Variants in HDGFL3 observed in about 807,000 individuals in gnomAD.
HDGFL3 encodes the protein hepatoma-derived growth factor-related protein 3.
A neutral mutation model predicts 27.6 loss-of-function variants in HDGFL3; 6 were observed. That is an observed-to-expected ratio of 0.22 (90% confidence interval 0.12 to 0.43). The LOEUF (loss-of-function observed/expected upper bound fraction) is 0.43. HDGFL3 is among the 20% of genes least tolerant of loss of function. HDGFL3 has a pLI of 1.00. For synonymous variants in HDGFL3, 88 were observed against 88.9 expected (o/e 0.99, Z 0.05); for missense variants, 207 against 250.1 (o/e 0.83, Z 1.16).
rs757329206 is a variant in HDGFL3 at position 83,203,307 on chromosome 15, A to C, written c.84+4024T>G. ...TTTGATTTCAGTTTCTTACTCTTTT[A>C]GCTAAAAAGTAAATTTTACTAGTAT... On this transcript the variant is annotated intron_variant, in intron 1 of 5. Coordinates refer to ENST00000299633, the MANE Select transcript of HDGFL3 (RefSeq NM_016073.4). 2.6e-4 allele frequency among the ~76,000 whole-genome samples: 40 copies of C among 152,150 alleles called. 1 individual carries two copies. The highest frequency in any genetic ancestry group is 1.6e-4 in the Non-Finnish European group (11 of 67,922).
At chr15:83,126,303 C>T (rs2035747195), downstream of HDGFL3, among the ~76,000 whole-genome samples, 1 of 152,184 alleles carries the variant, frequency 6.6e-6, no homozygotes, top group Non-Finnish European at 1.5e-5. Context: ...TCATCTTTTA[C>T]TGCCTCCAAA....
chr15:83,203,844 T>C (rs1315083475), intron 1 of HDGFL3, among the ~76,000 whole-genome samples: 1 of 151,370 alleles, frequency 6.6e-6, no homozygotes, highest in African/African-American at 2.4e-5. Context: ...AGCACATGTA[T>C]ATATAAAGAA....
At chr15:83,160,330 GC>G (rs2037084151) in intron 2 of HDGFL3, among the ~76,000 whole-genome samples, 1 of 151,986 alleles carries the variant, frequency 6.6e-6, no homozygotes, top group African/African-American at 2.4e-5. Context: ...GGGATTATAG[GC>G]ACATGCCACC....
downstream of HDGFL3, chr15:83,127,457 C>T: frequency 6.2e-7 from 1 of 1,613,788 alleles, no homozygotes; most frequent in Non-Finnish European, 8.5e-7. Context: ...CACATTGATA[C>T]ATGCTGGAGG....
chr15:83,187,576 A>C (rs190896667), intron 1 of HDGFL3, among the ~76,000 whole-genome samples: 1 of 152,302 alleles, frequency 6.6e-6, no homozygotes, highest in East Asian at 1.9e-4. Flanking sequence ...CCTTGTTTTC[A>C]GTGCTTTTCT....
intron 1 of HDGFL3, among the ~76,000 whole-genome samples, chr15:83,169,495 T>TA (rs2037218947): frequency 7.0e-6 from 1 of 143,852 alleles, no homozygotes; most frequent in Admixed American, 7.0e-5. Flanking sequence ...TCGCTGATGA[T>TA]AGAGTCTGTA....
chr15:83,188,999 T>C (rs2037478744), intron 1 of HDGFL3, among the ~76,000 whole-genome samples: 1 of 152,188 alleles, frequency 6.6e-6, no homozygotes, highest in Non-Finnish European at 1.5e-5. Context: ...GAATTCATTA[T>C]TGATTTATTC....
exon 4 of HDGFL3, chr15:83,113,215 G>C: frequency 2.3e-6 from 1 of 425,718 alleles, no homozygotes; most frequent in Non-Finnish European, 4.4e-6. Context: ...TGGGCTTCCT[G>C]TCTTCAGCCT....
At chr15:83,141,956 T>C (rs1391320391) in intron 5 of HDGFL3, among the ~76,000 whole-genome samples, 3 of 152,014 alleles carry the variant, frequency 2.0e-5, no homozygotes, top group Non-Finnish European at 4.4e-5. Flanking sequence ...GAAATGCAAA[T>C]CAAAACTGCA....
chr15:83,126,323 C>T (rs189743850), downstream of HDGFL3, among the ~76,000 whole-genome samples: 431 of 152,256 alleles, frequency 2.8e-3, 2 homozygotes, highest in Non-Finnish European at 5.5e-3. Flanking sequence ...AGGCCATATA[C>T]GCTATGATGC....
chr15:83,140,513 G>A (rs893314317), intron 5 of HDGFL3, among the ~76,000 whole-genome samples: 6 of 130,596 alleles, frequency 4.6e-5, no homozygotes, highest in African/African-American at 1.5e-4. Flanking sequence ...ACAGAGTCTC[G>A]CTCTGTCACC....
chr15:83,121,286 T>G (rs1450727619), intron 3 of HDGFL3, among the ~76,000 whole-genome samples: 3 of 151,772 alleles, frequency 2.0e-5, no homozygotes, highest in Admixed American at 6.6e-5. Flanking sequence ...TTCACCATGT[T>G]GGCCAGGCTG....
rs970141612 is a variant in HDGFL3, at chr15:83,136,458, T to A, written c.*2812A>T. 11 of 522,240 alleles carry A rather than the reference T, an allele frequency of 2.1e-5. No individual in the cohort carries two copies. Among genetic ancestry groups the A allele is most frequent in the South Asian group, 4.5e-5 (1 of 22,174 alleles). 32.4% of individuals were successfully genotyped at this position (522,240 alleles called of 1,614,324 possible). On this transcript the variant is annotated 3_prime_UTR_variant, in exon 6 of 6. Coordinates refer to ENST00000299633, the MANE Select transcript of HDGFL3 (RefSeq NM_016073.4). ...CTGAACACGTTTCATGCTTACTCAATTTTTTTTTTTTAAATGCAACAGGCT... is the reference window on the plus strand; with the variant it reads ...CTGAACACGTTTCATGCTTACTCAAATTTTTTTTTTTAAATGCAACAGGCT...
chr15:83,165,101 C>T (rs1239763451), intron 1 of HDGFL3, among the ~76,000 whole-genome samples: 2 of 152,220 alleles, frequency 1.3e-5, no homozygotes, highest in Non-Finnish European at 2.9e-5. Context: ...CATAGAAATG[C>T]TTTCTGGTTA....
chr15:83,155,939 T>C (rs529791321), intron 4 of HDGFL3, among the ~76,000 whole-genome samples: 1 of 152,336 alleles, frequency 6.6e-6, no homozygotes, highest in East Asian at 1.9e-4. Flanking sequence ...TTCTTTCCAT[T>C]GTATTTCTGA....
At chr15:83,125,534 G>T (rs576940569), downstream of HDGFL3, among the ~76,000 whole-genome samples, 1 of 152,218 alleles carries the variant, frequency 6.6e-6, no homozygotes, top group Non-Finnish European at 1.5e-5. Flanking sequence ...TCAAACACTT[G>T]GTAGAGGCTC....
Position 83,118,892 on chromosome 15 carries a change from T to G in HDGFL3, c.394-3151A>C, listed in dbSNP as rs547312476. 1.4e-4 allele frequency among the ~76,000 whole-genome samples: 22 copies of G among 152,308 alleles called. 1 individual carries two copies. In the South Asian group the frequency reaches 4.6e-3, roughly 32 times the overall value. ...AGTTCGTCATATAATCTTGTGTTCA[T>G]AACATTAACATTTGCCCAGGAGAAG... is the stretch of plus-strand genomic sequence containing the variant. On this transcript the variant is annotated intron_variant, in intron 3 of 3. Transcript: ENST00000568294.
rs928591310 is a variant in HDGFL3, at chr15:83,133,529, A to G, written c.*5741T>C. 6.6e-6 allele frequency: 1 copy of G among 152,256 alleles called. No individual in the cohort carries two copies. Among genetic ancestry groups the G allele is most frequent in the Middle Eastern group, 3.2e-3 (1 of 316 alleles). The allele number at this position is 152,256 out of a possible 1,614,324, so 9.4% of individuals were successfully genotyped here. A position where few individuals can be genotyped will look rare whatever the true frequency, so the allele number is the denominator to read the frequency against. ...TAATTATTTCTGTAAGGTGAAAATG[A>G]TTTAGAATGAAGTGGAAGAAAAATT... On this transcript the variant is annotated 3_prime_UTR_variant, in exon 6 of 6. Coordinates refer to ENST00000299633, the MANE Select transcript of HDGFL3 (RefSeq NM_016073.4).
chr15:83,182,429 T>A (rs183760778), intron 1 of HDGFL3, among the ~76,000 whole-genome samples: 1 of 152,324 alleles, frequency 6.6e-6, no homozygotes, highest in East Asian at 1.9e-4. Context: ...ATAGCCCAGG[T>A]GTCCTAATGA....
Sources: allele counts gnomAD v4.1 joint callset (sites outside exome capture counted in the v4.1 genomes callset), GRCh38; gene constraint gnomAD v4.1.1; transcripts MANE v1.5; gene names NCBI Gene and HGNC (gene_info 2026-07-23, HGNC 2026-07-21).